Variants in DDR2 observed in about 807,000 individuals in gnomAD.
DDR2 encodes discoidin domain receptor tyrosine kinase 2.
In DDR2, 27 loss-of-function variants were observed where a neutral mutation model predicts 94.9. The ratio of observed to expected loss-of-function variants is 0.28; its 90% CI spans 0.21 to 0.39. The LOEUF is 0.39. Among genes scored for constraint, DDR2 ranks in the 10% least tolerant of loss-of-function variants. The pLI, the probability that DDR2 is intolerant of heterozygous loss-of-function variation, is 1.00. For missense variants in DDR2, 783 were observed against 1,076.0 expected, an observed-to-expected ratio of 0.73 and a Z score of 3.81; for synonymous variants, 382 against 377.2, an observed-to-expected ratio of 1.01 and a Z score of -0.15.
chr1:162,668,571 C>A (rs1018773880), intron 2 of DDR2, among the ~76,000 whole-genome samples: 1 of 152,126 alleles, frequency 6.6e-6, no homozygotes, highest in African/African-American at 2.4e-5. Context: ...CTCTTGCAAT[C>A]ACTCCAATCT....
At chr1:162,743,986 C>CT (rs1168583525) in intron 3 of DDR2, among the ~76,000 whole-genome samples, 1 of 152,124 alleles carries the variant, frequency 6.6e-6, no homozygotes, top group Non-Finnish European at 1.5e-5. Context: ...TTTGGTCTGA[C>CT]TTTTTTTATT....
At chr1:162,644,447 T>C (rs1657307208) in intron 1 of DDR2, among the ~76,000 whole-genome samples, 1 of 152,220 alleles carries the variant, frequency 6.6e-6, no homozygotes, top group Admixed American at 6.5e-5. Flanking sequence ...ATGAAGTTAT[T>C]ATAGTTACAA....
chr1:162,737,135 T>A (rs1243603771), intron 3 of DDR2, among the ~76,000 whole-genome samples: 1 of 139,358 alleles, frequency 7.2e-6, no homozygotes, highest in Non-Finnish European at 1.5e-5. Flanking sequence ...ACAGTTTTAT[T>A]TTTTATTTAT....
chr1:162,766,184 A>C, intron 10 of DDR2, 121 bp downstream of exon 10: 1 of 1,012,758 alleles, frequency 9.9e-7, no homozygotes, highest in South Asian at 1.3e-5. Flanking sequence ...CTTTGGATGA[A>C]GAGTAGCCCT....
chr1:162,776,678 A>G (rs1647575835), intron 16 of DDR2, among the ~76,000 whole-genome samples: 1 of 152,198 alleles, frequency 6.6e-6, no homozygotes, highest in Non-Finnish European at 1.5e-5. Flanking sequence ...AAACCTTATC[A>G]TTTAAAGAAA....
chr1:162,651,113 G>T (rs1657665642), intron 1 of DDR2, among the ~76,000 whole-genome samples: 1 of 152,030 alleles, frequency 6.6e-6, no homozygotes, highest in Admixed American at 6.6e-5. Flanking sequence ...TGGTCATCCT[G>T]CCCCAGGTCT....
At position 162,767,362 on chromosome 1, in the gene DDR2, G is replaced by A. The variant is rs769699223; in HGVS notation, c.1293+3G>A. ...TCTGGCAGAAAATGCTGGAGAAGGT[G>A]AGGAGGTGCAGAATGGTCATGATAT... On this transcript the variant is annotated splice_donor_region_variant and intron_variant, in intron 11 of 17. Coordinates refer to ENST00000367921, the MANE Select transcript of DDR2 (RefSeq NM_006182.4). The A allele has an allele frequency of 3.1e-6, 5 of 1,613,822 alleles. No homozygotes were observed. The highest frequency in any genetic ancestry group is 4.2e-6 in the Non-Finnish European group (5 of 1,179,986).
Position 162,720,328 on chromosome 1 carries a change from G to C in DDR2, c.82+1183G>C, listed in dbSNP as rs73024579. Among the ~76,000 whole-genome samples, 824 of 152,024 alleles carry C rather than the reference G, an allele frequency of 5.4e-3. 8 individuals carry two copies. Among genetic ancestry groups the C allele is most frequent in the East Asian group, 0.034 (175 of 5,124 alleles). On this transcript the variant is annotated intron_variant, in intron 3 of 17. Transcript: ENST00000367921. ...TTCCAGTAACTTTTCTCACCACCCC[G>C]CAAAGGTAGCCATTATCCTGCTTTC... is the stretch of plus-strand genomic sequence containing the variant.
At chr1:162,779,878 A>C (rs937215104) in intron 17 of DDR2, among the ~76,000 whole-genome samples, 2 of 152,200 alleles carry the variant, frequency 1.3e-5, no homozygotes, top group Non-Finnish European at 2.9e-5. Context: ...CCCATCAAAA[A>C]ATTCTGCTGC....
rs35077871 is a variant in DDR2 at position 162,780,159 on chromosome 1, G to T, written c.2481G>T (p.Leu827=). 1.2e-3 allele frequency: 1,955 copies of T among 1,613,902 alleles called. 27 individuals carry two copies. The African/African-American group carries it at 0.023, about 19-fold the overall frequency. Residue 827 remains leucine, a synonymous_variant, in exon 18 of 18, where the codon CTG becomes CTT. Transcript: ENST00000367921. Reference sequence around the variant, plus strand: ...TTTGTCCTGACTCTGTGTATAAGCTGATGCTCAGCTGCTGGAGAAGAGATA... The same window carrying T: ...TTTGTCCTGACTCTGTGTATAAGCTTATGCTCAGCTGCTGGAGAAGAGATA... ...PAICPDSVYK[L]MLSCWRRDTK... is the part of the protein sequence containing the mutation.
At chr1:162,702,571 TG>T (rs1268425515) in intron 2 of DDR2, among the ~76,000 whole-genome samples, 1 of 152,206 alleles carries the variant, frequency 6.6e-6, no homozygotes, top group Admixed American at 6.5e-5. Context: ...TAAATGTAAT[TG>T]GTGTTACATG....
chr1:162,719,278 T>C (rs1305362608), intron 3 of DDR2, 133 bp downstream of exon 3: 20 of 1,509,572 alleles, frequency 1.3e-5, no homozygotes, highest in Non-Finnish European at 1.8e-5. Flanking sequence ...CATGGTGAAA[T>C]ATGACTAAAA....
chr1:162,739,477 T>G (rs1662483633), intron 3 of DDR2, among the ~76,000 whole-genome samples: 1 of 152,132 alleles, frequency 6.6e-6, no homozygotes, highest in African/African-American at 2.4e-5. Context: ...TGGCTAATTT[T>G]TGTATTTTTG....
chr1:162,701,992 C>T (rs911153476), intron 2 of DDR2, among the ~76,000 whole-genome samples: 1 of 152,162 alleles, frequency 6.6e-6, no homozygotes, highest in African/African-American at 2.4e-5. Context: ...CTTTTCTCTT[C>T]CCACTGGAGC....
At chr1:162,690,835 C>T (rs1294061631) in intron 2 of DDR2, among the ~76,000 whole-genome samples, 2 of 152,178 alleles carry the variant, frequency 1.3e-5, no homozygotes, top group Non-Finnish European at 2.9e-5. Context: ...GGCATTCTTT[C>T]GGTTAAGAAT....
At chr1:162,700,386 T>C (rs1247933663) in intron 2 of DDR2, among the ~76,000 whole-genome samples, 3 of 152,200 alleles carry the variant, frequency 2.0e-5, no homozygotes, top group Non-Finnish European at 2.9e-5. Context: ...CAGTTTTGTA[T>C]GCCACATCCC....
At chr1:162,778,526 G>A (rs1051416092) in intron 16 of DDR2, 54 bp from the exon 17 acceptor site, 1 of 1,607,268 alleles carries the variant, frequency 6.2e-7, no homozygotes, top group Non-Finnish European at 8.5e-7. Context: ...ATTTAACAGG[G>A]TGTTGTTGTG....
chr1:162,694,659 T>C, intron 2 of DDR2, among the ~76,000 whole-genome samples: 1 of 152,186 alleles, frequency 6.6e-6, no homozygotes, highest in African/African-American at 2.4e-5. Flanking sequence ...TTCATAGTGC[T>C]TAGCAAAGTT....
intron 2 of DDR2, among the ~76,000 whole-genome samples, chr1:162,700,692 A>T (rs1660392884): frequency 6.6e-6 from 1 of 152,188 alleles, no homozygotes; most frequent in Non-Finnish European, 1.5e-5. Context: ...TTTGGAAGCA[A>T]TGAGAATCTC....
Sources: gnomAD v4.1 joint callset for allele counts (sites outside exome capture counted in the v4.1 genomes callset) on GRCh38, gnomAD v4.1.1 for gene constraint, MANE v1.5 for transcripts, NCBI Gene and HGNC (gene_info 2026-07-23, HGNC 2026-07-21) for gene names.